The following RAPGEF1 variants were observed in gnomAD, a reference collection of about 807,000 sequenced individuals.
The protein encoded by RAPGEF1 is CRK SH3-binding GNRP.
RAPGEF1 carries 33 observed loss-of-function variants against 143.3 expected under a neutral mutation model. That is an observed-to-expected ratio of 0.23 (90% confidence interval 0.17 to 0.31). The LOEUF is 0.31. Ranked by LOEUF, RAPGEF1 falls within the 10% of genes least tolerant of loss-of-function variation. RAPGEF1 has a pLI of 1.00. For synonymous variants in RAPGEF1, 629 were observed against 676.5 expected, an observed-to-expected ratio of 0.93 and a Z score of 1.09; for missense variants, 1,199 against 1,645.4, an observed-to-expected ratio of 0.73 and a Z score of 4.69.
rs914595323 is a variant in RAPGEF1, at chr9:131,739,873, C to T, written c.-43G>A. 3.1e-6 allele frequency: 3 copies of T among 983,388 alleles called. No individual in the cohort carries two copies. Among genetic ancestry groups the T allele is most frequent in the Non-Finnish European group, 3.6e-6 (3 of 828,798 alleles). 60.9% of individuals were successfully genotyped at this position (983,388 alleles called of 1,614,324 possible). Reference sequence around the variant, plus strand: ...GCCGCGGGGCGACAGGGGCGGCGCGCCCGCCGCTCGCCTCGGCCCTGGCTC... The same window carrying T: ...GCCGCGGGGCGACAGGGGCGGCGCGTCCGCCGCTCGCCTCGGCCCTGGCTC... On this transcript the variant is annotated 5_prime_UTR_variant, in exon 1 of 27. Coordinates refer to ENST00000683357, the MANE Select transcript of RAPGEF1 (RefSeq NM_001377935.1).
chr9:131,657,886 G>A (rs1038133227), intron 1 of RAPGEF1, among the ~76,000 whole-genome samples: 5 of 152,186 alleles, frequency 3.3e-5, no homozygotes, highest in Non-Finnish European at 5.9e-5. Flanking sequence ...GTTTGTGAAC[G>A]TTACCTAAGT....
chr9:131,680,128 G>A (rs1396211659), intron 1 of RAPGEF1, among the ~76,000 whole-genome samples: 1 of 152,226 alleles, frequency 6.6e-6, no homozygotes, highest in African/African-American at 2.4e-5. Context: ...GGACAATAAG[G>A]ACAATGTCTT....
At chr9:131,722,457 C>T (rs141900748) in intron 1 of RAPGEF1, among the ~76,000 whole-genome samples, 159 of 152,296 alleles carry the variant, frequency 1.0e-3, no homozygotes, top group Non-Finnish European at 1.7e-3. Context: ...GCAGAGCCCT[C>T]GGAGGGAAGC....
chr9:131,629,376 C>T (rs899584118), intron 6 of RAPGEF1, 122 bp from the exon 7 acceptor site: 7 of 1,006,066 alleles, frequency 7.0e-6, no homozygotes, highest in Admixed American at 4.7e-5. Context: ...GGCTGAAGAG[C>T]AGGCTCCCTG....
chr9:131,581,743 T>C (rs1951895133), intron 25 of RAPGEF1, among the ~76,000 whole-genome samples: 1 of 152,120 alleles, frequency 6.6e-6, no homozygotes. Context: ...AGTAACTTAA[T>C]AGGTGCTTCT....
At chr9:131,598,425 C>T in intron 15 of RAPGEF1, 115 bp from the exon 16 acceptor site, 1 of 803,940 alleles carries the variant, frequency 1.2e-6, no homozygotes, top group Non-Finnish European at 2.1e-6. Flanking sequence ...ACATGCCTGC[C>T]CCGATGGCAG....
At chr9:131,682,758 T>G (rs1004304099) in intron 1 of RAPGEF1, among the ~76,000 whole-genome samples, 1 of 152,112 alleles carries the variant, frequency 6.6e-6, no homozygotes, top group Non-Finnish European at 1.5e-5. Flanking sequence ...TAAGTCAAAT[T>G]ACTGATAAAC....
At chr9:131,701,898 T>C (rs1834678389) in intron 1 of RAPGEF1, among the ~76,000 whole-genome samples, 1 of 152,212 alleles carries the variant, frequency 6.6e-6, no homozygotes, top group Non-Finnish European at 1.5e-5. Context: ...CAAAGTCATG[T>C]TAAATAATCT....
intron 12 of RAPGEF1, among the ~76,000 whole-genome samples, chr9:131,614,449 T>G (rs1958582264): frequency 6.6e-6 from 1 of 152,262 alleles, no homozygotes; most frequent in Non-Finnish European, 1.5e-5. Context: ...CCTTTCCTGT[T>G]TGGCCTTTAG....
chr9:131,612,403 T>C (rs181781285), intron 12 of RAPGEF1, among the ~76,000 whole-genome samples: 56 of 151,614 alleles, frequency 3.7e-4, no homozygotes, highest in African/African-American at 1.3e-3. Context: ...TCTCAAAGTC[T>C]ACAACCAGGG....
rs1836772167 is a variant in RAPGEF1 at position 131,727,767 on chromosome 9, C to T, written c.61+12003G>A. 2.0e-5 allele frequency among the ~76,000 whole-genome samples: 3 copies of T among 151,774 alleles called. No homozygotes were observed. The South Asian group carries it at 6.2e-4, about 32-fold the overall frequency. ...CAAATATAAAAGCTTCATTCTACAA[C>T]CTTGCATATTTAGGGTAATTAATAG... On this transcript the variant is annotated intron_variant, in intron 1 of 26. Transcript: ENST00000683357.
At chr9:131,718,859 A>G (rs1836053837) in intron 1 of RAPGEF1, among the ~76,000 whole-genome samples, 1 of 152,192 alleles carries the variant, frequency 6.6e-6, no homozygotes, top group African/African-American at 2.4e-5. Flanking sequence ...CCTGTTCCCA[A>G]ATGGCAATTC....
chr9:131,699,384 A>G (rs1834455499), intron 1 of RAPGEF1, among the ~76,000 whole-genome samples: 1 of 151,848 alleles, frequency 6.6e-6, no homozygotes, highest in Non-Finnish European at 1.5e-5. Flanking sequence ...AGCAGGGATT[A>G]CAGGCATGTG....
At chr9:131,633,368 G>A (rs1327635547) in intron 5 of RAPGEF1, among the ~76,000 whole-genome samples, 3 of 152,142 alleles carry the variant, frequency 2.0e-5, no homozygotes, top group Admixed American at 6.5e-5. Context: ...GGAGCATCAC[G>A]GCCTTAGAGG....
chr9:131,696,622 T>C (rs1834201836), intron 1 of RAPGEF1, among the ~76,000 whole-genome samples: 1 of 152,228 alleles, frequency 6.6e-6, no homozygotes, highest in Non-Finnish European at 1.5e-5. Context: ...CAGCGAACTG[T>C]AGCTCTGAAT....
intron 1 of RAPGEF1, among the ~76,000 whole-genome samples, chr9:131,701,686 T>C (rs996277070): frequency 1.3e-5 from 2 of 152,252 alleles, no homozygotes; most frequent in African/African-American, 4.8e-5. Flanking sequence ...ATACAGTATG[T>C]TGTATGGTTT....
chr9:131,734,713 G>C (rs78412776), intron 1 of RAPGEF1, among the ~76,000 whole-genome samples: 1 of 152,206 alleles, frequency 6.6e-6, no homozygotes, highest in South Asian at 2.1e-4. Context: ...CCACAAAAAT[G>C]AGTAGCCCTA....
intron 21 of RAPGEF1, 37 bp downstream of exon 21, chr9:131,587,905 A>G (rs1204392876): frequency 8.4e-6 from 11 of 1,306,132 alleles, no homozygotes; most frequent in African/African-American, 6.5e-5. Context: ...ATTCAGGGAC[A>G]AACAGTGTGG....
At chr9:131,739,654 C>T in intron 1 of RAPGEF1, 116 bp downstream of exon 1, 1 of 817,986 alleles carries the variant, frequency 1.2e-6, no homozygotes, top group Non-Finnish European at 1.5e-6. Flanking sequence ...GTGGCTTCAC[C>T]CCGCCCCGGC....
Sources: gnomAD v4.1 joint callset for allele counts (sites outside exome capture counted in the v4.1 genomes callset) on GRCh38, gnomAD v4.1.1 for gene constraint, MANE v1.5 for transcripts, NCBI Gene and HGNC (gene_info 2026-07-23, HGNC 2026-07-21) for gene names.